Variants in SPMIP4 observed in about 807,000 individuals in gnomAD.
The protein encoded by SPMIP4 is sperm microtubule inner protein 4, also known as sperm-associated microtubule inner protein 4.
the SPMIP4 span, among the ~76,000 whole-genome samples, chr7:25,155,975 C>A: frequency 1.3e-5 from 2 of 152,176 alleles, no homozygotes; most frequent in African/African-American, 4.8e-5. Flanking sequence ...CCCTTCCGCC[C>A]TCATCCATAT....
At chr7:25,145,201 T>A in the SPMIP4 span, among the ~76,000 whole-genome samples, 1 of 146,120 alleles carries the variant, frequency 6.8e-6, no homozygotes. Flanking sequence ...TGACCTCAGG[T>A]GATTTGCCTG....
chr7:25,147,412 G>C, the SPMIP4 span, among the ~76,000 whole-genome samples: 1 of 152,184 alleles, frequency 6.6e-6, no homozygotes, highest in African/African-American at 2.4e-5. Context: ...GAGAAGGGTA[G>C]CAGGAGAGGC....
chr7:25,159,825 G>C, the SPMIP4 span, among the ~76,000 whole-genome samples: 1 of 152,122 alleles, frequency 6.6e-6, no homozygotes, highest in Non-Finnish European at 1.5e-5. Context: ...GCAGGGAAGT[G>C]ATGAATATAT....
chr7:25,126,832 A>G, the SPMIP4 span, among the ~76,000 whole-genome samples: 2 of 152,118 alleles, frequency 1.3e-5, no homozygotes, highest in African/African-American at 4.8e-5. Context: ...TTTCTTTCAG[A>G]CTGAGGAACT....
the SPMIP4 span, among the ~76,000 whole-genome samples, chr7:25,133,232 TG>T: frequency 6.6e-6 from 1 of 152,232 alleles, no homozygotes; most frequent in South Asian, 2.1e-4. Context: ...TTGTGCATTT[TG>T]TTTTGCTGTG....
chr7:25,163,389 T>C, the SPMIP4 span, among the ~76,000 whole-genome samples: 11 of 152,324 alleles, frequency 7.2e-5, no homozygotes, highest in South Asian at 2.3e-3. The surrounding 1 kb of genome is among the most constrained non-coding windows in gnomAD (Gnocchi z 4.4). Context: ...AACTTGCTTT[T>C]TCCAGCCTCC....
chr7:25,154,466 C>G, the SPMIP4 span, among the ~76,000 whole-genome samples: 443 of 152,274 alleles, frequency 2.9e-3, 1 homozygote, highest in African/African-American at 0.01. Flanking sequence ...GTACGGGATT[C>G]CTGATAAAAC....
the SPMIP4 span, among the ~76,000 whole-genome samples, chr7:25,128,212 T>A: frequency 0.016 from 2,508 of 152,288 alleles, 79 homozygotes; most frequent in African/African-American, 0.058. The surrounding 1 kb of genome is among the most constrained non-coding windows in gnomAD (Gnocchi z 4.5). Flanking sequence ...CTAGCTACAG[T>A]AGCTTATGTT....
chr7:25,174,335 T>C, the SPMIP4 span, among the ~76,000 whole-genome samples: 1 of 125,506 alleles, frequency 8.0e-6, no homozygotes, highest in Non-Finnish European at 2.0e-5. This position sits in a 1 kb window ranked among gnomAD's most constrained non-coding sequence, Gnocchi z 4.5. Flanking sequence ...AATACATCTC[T>C]ATAACAAAGA....
chr7:25,148,787 TTTTTC>T, the SPMIP4 span, among the ~76,000 whole-genome samples: 2 of 152,304 alleles, frequency 1.3e-5, no homozygotes, highest in Middle Eastern at 3.4e-3. Flanking sequence ...TGGCCATCTC[TTTTTC>T]TTTTGTTTCT....
the SPMIP4 span, among the ~76,000 whole-genome samples, chr7:25,178,488 C>T: frequency 1.3e-5 from 2 of 152,152 alleles, no homozygotes; most frequent in Non-Finnish European, 2.9e-5. Flanking sequence ...CAAGTATAAG[C>T]AGCAAATTCT....
At chr7:25,135,770 T>A in the SPMIP4 span, 838 of 1,265,786 alleles carry the variant, frequency 6.6e-4, no homozygotes, top group Non-Finnish European at 7.9e-4. Flanking sequence ...TGCCAAATTG[T>A]TAAACTTTTC....
At chr7:25,150,245 A>G in the SPMIP4 span, among the ~76,000 whole-genome samples, 1 of 152,234 alleles carries the variant, frequency 6.6e-6, no homozygotes, top group Non-Finnish European at 1.5e-5. Context: ...GAAGAAACTT[A>G]GCTACAGATC....
the SPMIP4 span, among the ~76,000 whole-genome samples, chr7:25,176,234 T>G: frequency 6.6e-6 from 1 of 152,172 alleles, no homozygotes; most frequent in African/African-American, 2.4e-5. The surrounding 1 kb of genome is among the most constrained non-coding windows in gnomAD (Gnocchi z 4.4). Context: ...GGATCAACAT[T>G]TCAGTGAAAA....
the SPMIP4 span, among the ~76,000 whole-genome samples, chr7:25,172,127 T>C: frequency 6.6e-6 from 1 of 152,230 alleles, no homozygotes; most frequent in Non-Finnish European, 1.5e-5. This position sits in a 1 kb window ranked among gnomAD's most constrained non-coding sequence, Gnocchi z 4.2. Flanking sequence ...CTGACAGTGT[T>C]GACTTCAGTG....
chr7:25,135,434 ATACT>A, the SPMIP4 span: 6 of 985,630 alleles, frequency 6.1e-6, no homozygotes, highest in Non-Finnish European at 7.2e-6. Context: ...CAGAGTCCAC[ATACT>A]TTTAAGACAA....
At chr7:25,160,204 A>G in the SPMIP4 span, among the ~76,000 whole-genome samples, 1 of 151,894 alleles carries the variant, frequency 6.6e-6, no homozygotes, top group Non-Finnish European at 1.5e-5. Flanking sequence ...CTAGTGGCTA[A>G]CTTCTATATT....
chr7:25,149,014 ATTTGAACACGG>A, the SPMIP4 span, among the ~76,000 whole-genome samples: 1 of 152,226 alleles, frequency 6.6e-6, no homozygotes, highest in Non-Finnish European at 1.5e-5. Context: ...TGTTTGTCTT[ATTTGAACACGG>A]TTTGAACAGT....
the SPMIP4 span, among the ~76,000 whole-genome samples, chr7:25,159,540 A>C: frequency 6.6e-6 from 1 of 152,236 alleles, no homozygotes; most frequent in Admixed American, 6.5e-5. Flanking sequence ...AATGAACAGA[A>C]TGTTATCAAT....
Sources: gnomAD v4.1 joint callset for allele counts (sites outside exome capture counted in the v4.1 genomes callset) on GRCh38, gnomAD v4.1.1 for gene constraint, Gnocchi (gnomAD v3.1) non-coding constraint, MANE v1.5 for transcripts, NCBI Gene and HGNC (gene_info 2026-07-23, HGNC 2026-07-21) for gene names.